Variants in PRTG observed in about 807,000 individuals in gnomAD.
PRTG encodes the protein immunoglobulin superfamily, DCC subclass, member 5.
PRTG carries 67 observed loss-of-function variants against 122.5 expected under a neutral mutation model. The ratio of observed to expected loss-of-function variants is 0.55; its 90% CI spans 0.45 to 0.67. PRTG has a LOEUF of 0.67. Ranked by LOEUF, PRTG falls within the 30% of genes least tolerant of loss-of-function variation. The pLI is 0.00. For synonymous variants in PRTG, 554 were observed against 501.1 expected, an observed-to-expected ratio of 1.11 and a Z score of -1.41; for missense variants, 1,435 against 1,415.4, an observed-to-expected ratio of 1.01 and a Z score of -0.22.
At chr15:55,719,283 G>C (rs371032335) in intron 2 of PRTG, among the ~76,000 whole-genome samples, 1 of 152,164 alleles carries the variant, frequency 6.6e-6, no homozygotes, top group East Asian at 1.9e-4. Context: ...GGTATATCAT[G>C]TCAACATACT....
At chr15:55,726,987 C>T (rs1277977188) in intron 2 of PRTG, among the ~76,000 whole-genome samples, 2 of 150,830 alleles carry the variant, frequency 1.3e-5, no homozygotes, top group Non-Finnish European at 3.0e-5. Flanking sequence ...CTGTAACACA[C>T]CAAAACTTAT....
intron 2 of PRTG, among the ~76,000 whole-genome samples, chr15:55,722,902 G>A (rs1434835376): frequency 2.0e-5 from 3 of 152,202 alleles, no homozygotes; most frequent in African/African-American, 7.2e-5. Context: ...ATAGTTAACT[G>A]AGACCTGAAG....
Position 55,639,747 on chromosome 15 carries a change from A to AGGAAGAT in PRTG, c.2212_2218dup (p.Leu740HisfsTer17). The AGGAAGAT allele has an allele frequency of 6.2e-7, 1 of 1,614,214 alleles. No individual in the cohort carries two copies. The highest frequency in any genetic ancestry group is 8.5e-7 in the Non-Finnish European group (1 of 1,180,020). On this transcript the variant is annotated frameshift_variant, in exon 13 of 20. Coordinates refer to ENST00000389286, the MANE Select transcript of PRTG (RefSeq NM_173814.6). LOFTEE classifies it high-confidence loss of function. Reference sequence around the variant, plus strand: ...GGTGAATGCAGGCCTCCTCCAGTGCAGGAAGATGGAAGATGAGGTGTTAGC... The same window carrying AGGAAGAT: ...GGTGAATGCAGGCCTCCTCCAGTGCAGGAAGATGGAAGATGGAAGATGAGGTGTTAGC...
Position 55,740,640 on chromosome 15 carries a change from C to A in PRTG, c.139G>T (p.Asp47Tyr). The A allele has an allele frequency of 6.2e-7, 1 of 1,613,984 alleles. No individual in the cohort carries two copies. Among genetic ancestry groups the A allele is most frequent in the Non-Finnish European group, 8.5e-7 (1 of 1,179,978 alleles). The change falls in exon 2 of 20, where the codon GAT becomes TAT. Residue 47 changes from aspartate (D) to tyrosine (Y), a missense_variant. Asp to Tyr is a radical substitution (Grantham distance 160). Coordinates refer to ENST00000389286, the MANE Select transcript of PRTG (RefSeq NM_173814.6). ...GGGTCCTTTCTTGTGACAGTTACAT[C>A]CTGTGGTTCTTTTACAAAAGACAGT... ...SELSFVKEPQDVTVTRKDPVV... is the reference protein window; with the variant it reads ...SELSFVKEPQYVTVTRKDPVV...
intron 2 of PRTG, among the ~76,000 whole-genome samples, chr15:55,687,340 A>C (rs1199089790): frequency 3.3e-5 from 5 of 152,172 alleles, no homozygotes; most frequent in Non-Finnish European, 2.9e-5. Context: ...GATTTTTATA[A>C]AGATTAAACA....
intron 11 of PRTG, among the ~76,000 whole-genome samples, chr15:55,647,786 T>C (rs955633583): frequency 5.9e-5 from 9 of 152,214 alleles, no homozygotes; most frequent in Admixed American, 3.9e-4. Flanking sequence ...TGTTCGTTCA[T>C]ACAAACAAGA....
At chr15:55,668,985 T>C (rs964103908) in intron 11 of PRTG, among the ~76,000 whole-genome samples, 1 of 152,212 alleles carries the variant, frequency 6.6e-6, no homozygotes, top group African/African-American at 2.4e-5. Context: ...AGATTACATC[T>C]GTTACACCTT....
At chr15:55,680,393 C>G in intron 5 of PRTG, 98 bp downstream of exon 5, 1 of 1,330,976 alleles carries the variant, frequency 7.5e-7, no homozygotes, top group Non-Finnish European at 1.0e-6. Flanking sequence ...AACAGCCAAA[C>G]CTGTGTTTTT....
rs1181135316 is a variant in PRTG, at chr15:55,618,522, G to A, written c.*1490C>T. On this transcript the variant is annotated 3_prime_UTR_variant, in exon 20 of 20. Coordinates refer to ENST00000389286, the MANE Select transcript of PRTG (RefSeq NM_173814.6). Reference sequence around the variant, plus strand: ...GGCACCTAGGTAACTGTCTCATGACGGAGAAAAGGCCTATGTTATGTAGCT... The same window carrying A: ...GGCACCTAGGTAACTGTCTCATGACAGAGAAAAGGCCTATGTTATGTAGCT... 7 of 152,158 alleles carry A rather than the reference G, an allele frequency of 4.6e-5. No individual in the cohort carries two copies. The highest frequency in any genetic ancestry group is 1.3e-4 in the Admixed American group (2 of 15,266). The allele number at this position is 152,158 out of a possible 1,614,324, so 9.4% of individuals were successfully genotyped here. A position where few individuals can be genotyped will look rare whatever the true frequency, so the allele number is the denominator to read the frequency against.
intron 2 of PRTG, among the ~76,000 whole-genome samples, chr15:55,730,286 G>A (rs1224682211): frequency 6.6e-6 from 1 of 151,982 alleles, no homozygotes; most frequent in Admixed American, 6.6e-5. Flanking sequence ...ATTTTTAGTA[G>A]AGACAGGGTT....
chr15:55,692,520 G>C (rs1186759590), intron 2 of PRTG, among the ~76,000 whole-genome samples: 2 of 152,230 alleles, frequency 1.3e-5, no homozygotes, highest in East Asian at 1.9e-4. Flanking sequence ...AGATCAGATG[G>C]TCTGCTGAAT....
chr15:55,639,761 T>C lies in PRTG; in HGVS notation c.2205A>G (p.Ser735=), dbSNP rs369340416. 212 of 1,614,150 alleles carry C rather than the reference T, an allele frequency of 1.3e-4. No individual in the cohort carries two copies. Among genetic ancestry groups the C allele is most frequent in the East Asian group, 2.2e-5 (1 of 44,880 alleles). Residue 735 remains serine, a synonymous_variant, in exon 13 of 20, where the codon TCA becomes TCG. Coordinates refer to ENST00000389286, the MANE Select transcript of PRTG (RefSeq NM_173814.6). ...TCCTCCAGTGCAGGAAGATGGAAGA[T>C]GAGGTGTTAGCCTTCGCATAGAGAT... ...PHHLYAKANT[S]SSIFLHWRRP... is the part of the protein sequence containing the mutation.
chr15:55,667,438 G>A (rs2141784038), intron 11 of PRTG, among the ~76,000 whole-genome samples: 1 of 151,928 alleles, frequency 6.6e-6, no homozygotes, highest in South Asian at 2.1e-4. Context: ...CAAATATTAA[G>A]TTCTAAAATT....
At chr15:55,712,353 G>T (rs1405463329) in intron 2 of PRTG, among the ~76,000 whole-genome samples, 1 of 152,206 alleles carries the variant, frequency 6.6e-6, no homozygotes, top group East Asian at 1.9e-4. Context: ...TTAGTCCGTG[G>T]ACAGAGGGGC....
At chr15:55,658,962 C>G (rs756553395) in intron 11 of PRTG, among the ~76,000 whole-genome samples, 1 of 152,182 alleles carries the variant, frequency 6.6e-6, no homozygotes, top group Non-Finnish European at 1.5e-5. Context: ...TTGTGATAAT[C>G]AGGCAAAATG....
chr15:55,641,149 G>C lies in PRTG; in HGVS notation c.2101C>G (p.Gln701Glu). 1 of 1,613,964 alleles carries C rather than the reference G, an allele frequency of 6.2e-7. No homozygotes were observed. Among genetic ancestry groups the C allele is most frequent in the African/African-American group, 1.3e-5 (1 of 75,020 alleles). ...GGAGTGCTGACAGTCTGATCTGCCT[G>C]ATAGCCATCGTCTATGTTGTTGTAA... ...LAYNNIDDGYQADQTVSTPGC... is the reference protein window; with the variant it reads ...LAYNNIDDGYEADQTVSTPGC... Residue 701 changes from glutamine to glutamate, a missense_variant, in exon 12 of 20, where the codon CAG (glutamine) becomes GAG (glutamate). By Grantham distance (29) the Gln-to-Glu change is conservative. Transcript: ENST00000389286.
rs1159183147 is a variant in PRTG at position 55,677,859 on chromosome 15, TC to T, written c.1318del (p.Glu440ArgfsTer18). ...TTTGTCTGAATTATAAAGTGGCCTC[TC>T]CCAGGCTAAAAGAATGGCTGAGCTT... The part of the protein sequence containing the change: ...MSSSAILLAW[E>X]RPLYNSDKVI... On this transcript the variant is annotated frameshift_variant, in exon 8 of 20. Transcript: ENST00000389286. LOFTEE classifies it high-confidence loss of function. 1 of 1,613,864 alleles carries T rather than the reference TC, an allele frequency of 6.2e-7. No homozygotes were observed. The highest frequency in any genetic ancestry group is 8.5e-7 in the Non-Finnish European group (1 of 1,179,814).
At chr15:55,702,045 A>G (rs1009983135) in intron 2 of PRTG, among the ~76,000 whole-genome samples, 6 of 152,200 alleles carry the variant, frequency 3.9e-5, no homozygotes, top group African/African-American at 1.4e-4. Flanking sequence ...GTTAAAATTC[A>G]TAGAACTATA....
At chr15:55,696,243 G>A (rs1294006140) in intron 2 of PRTG, among the ~76,000 whole-genome samples, 1 of 152,136 alleles carries the variant, frequency 6.6e-6, no homozygotes, top group African/African-American at 2.4e-5. Flanking sequence ...CAGCCTGGAT[G>A]AGAAGAGATC....
Sources: allele counts gnomAD v4.1 joint callset (sites outside exome capture counted in the v4.1 genomes callset), GRCh38; gene constraint gnomAD v4.1.1; transcripts MANE v1.5; gene names NCBI Gene and HGNC (gene_info 2026-07-23, HGNC 2026-07-21).